Variants in MAPK8 observed in about 807,000 individuals in gnomAD.
MAPK8 encodes the protein mitogen-activated protein kinase 8.
Under a neutral mutation model 52.9 loss-of-function variants are expected in MAPK8, and 13 were observed. That is an observed-to-expected ratio of 0.25 (90% CI 0.16 to 0.39). The LOEUF is 0.39. Ranked by LOEUF, MAPK8 falls within the 10% of genes least tolerant of loss-of-function variation. MAPK8 has a pLI of 1.00. For missense variants in MAPK8, 300 were observed against 519.2 expected, an observed-to-expected ratio of 0.58 and a Z score of 4.10; for synonymous variants, 191 against 169.8, an observed-to-expected ratio of 1.12 and a Z score of -0.97.
At chr10:48,316,068 G>A (rs955470447) in intron 1 of MAPK8, among the ~76,000 whole-genome samples, 7 of 152,206 alleles carry the variant, frequency 4.6e-5, no homozygotes, top group African/African-American at 1.7e-4. Context: ...AATGTTAAAT[G>A]GACAAGTTGG....
intron 1 of MAPK8, among the ~76,000 whole-genome samples, chr10:48,400,951 GT>G (rs1242665054): frequency 7.8e-6 from 1 of 128,616 alleles, no homozygotes; most frequent in East Asian, 2.1e-4. Context: ...GTATTGTTTT[GT>G]TTTGTATCCC....
At chr10:48,355,235 C>T (rs929165614) in intron 1 of MAPK8, among the ~76,000 whole-genome samples, 1 of 152,110 alleles carries the variant, frequency 6.6e-6, no homozygotes, top group Non-Finnish European at 1.5e-5. Flanking sequence ...TAGGGCTGGG[C>T]GTGGTGGCTC....
chr10:48,426,940 A>G lies in MAPK8; in HGVS notation c.997-140A>G, dbSNP rs370192927. ...AGTCTTCCTAAACTATTATGTCTGT[A>G]TAAGTAAGTTGATGATTGATCAGTC... On this transcript the variant is annotated intron_variant, in intron 9 of 11. Coordinates refer to ENST00000374189, the MANE Select transcript of MAPK8 (RefSeq NM_001323329.2). 9.9e-5 allele frequency: 61 copies of G among 615,778 alleles called. 1 individual carries two copies. Among genetic ancestry groups the G allele is most frequent in the South Asian group, 7.9e-4 (39 of 49,560 alleles). The allele number at this position is 615,778 out of a possible 1,614,324, so 38.1% of individuals were successfully genotyped here.
chr10:48,365,664 T>C (rs1847967038), intron 1 of MAPK8, among the ~76,000 whole-genome samples: 1 of 152,214 alleles, frequency 6.6e-6, no homozygotes, highest in Non-Finnish European at 1.5e-5. Flanking sequence ...TGTAAAATTA[T>C]TCATTTGTCT....
At chr10:48,380,141 C>T (rs895722221) in intron 1 of MAPK8, among the ~76,000 whole-genome samples, 8 of 152,028 alleles carry the variant, frequency 5.3e-5, no homozygotes, top group Non-Finnish European at 1.0e-4. Flanking sequence ...ACCCGGGAGG[C>T]TGAGGCAGGA....
chr10:48,312,187 G>A (rs1842042507), intron 1 of MAPK8, among the ~76,000 whole-genome samples: 1 of 152,194 alleles, frequency 6.6e-6, no homozygotes, highest in African/African-American at 2.4e-5. Context: ...TTTAAGTTGA[G>A]AGTGTGGTGC....
intron 5 of MAPK8, among the ~76,000 whole-genome samples, chr10:48,413,815 TTA>T (rs59042608): frequency 0.055 from 2,654 of 47,902 alleles, 47 homozygotes; most frequent in Non-Finnish European, 0.072. Flanking sequence ...GCCAGAATTG[TTA>T]TATATATATA....
At chr10:48,329,941 A>AT (rs928326286) in intron 1 of MAPK8, among the ~76,000 whole-genome samples, 2 of 152,250 alleles carry the variant, frequency 1.3e-5, no homozygotes, top group Admixed American at 1.3e-4. Context: ...ATTTAAAAAA[A>AT]TTTTTTTTAA....
chr10:48,309,926 G>T (rs1447503109), intron 1 of MAPK8, among the ~76,000 whole-genome samples: 2 of 152,188 alleles, frequency 1.3e-5, no homozygotes, highest in Admixed American at 1.3e-4. Flanking sequence ...TGAATCATTT[G>T]CCTATGTCAG....
intron 1 of MAPK8, among the ~76,000 whole-genome samples, chr10:48,318,166 A>G (rs937945208): frequency 4.0e-4 from 61 of 152,266 alleles, no homozygotes; most frequent in African/African-American, 1.4e-3. Flanking sequence ...TCAGGAGTTA[A>G]TACTGCAGCC....
intron 1 of MAPK8, among the ~76,000 whole-genome samples, chr10:48,385,783 G>C (rs191390331): frequency 1.3e-5 from 2 of 152,070 alleles, no homozygotes; most frequent in African/African-American, 4.8e-5. Context: ...GTCATATTTG[G>C]TTATCATAAT....
intron 1 of MAPK8, among the ~76,000 whole-genome samples, chr10:48,372,809 C>T (rs867386782): frequency 2.0e-5 from 3 of 152,148 alleles, no homozygotes; most frequent in Admixed American, 2.0e-4. Flanking sequence ...AAACACTCTT[C>T]AGGATATTAT....
At chr10:48,393,518 A>G (rs1032883194) in intron 1 of MAPK8, among the ~76,000 whole-genome samples, 4 of 152,126 alleles carry the variant, frequency 2.6e-5, no homozygotes, top group South Asian at 2.1e-4. Context: ...AAATGTGAAT[A>G]TGGGATGTAA....
intron 1 of MAPK8, among the ~76,000 whole-genome samples, chr10:48,312,182 G>T (rs996549035): frequency 4.6e-5 from 7 of 152,210 alleles, no homozygotes; most frequent in Non-Finnish European, 1.0e-4. Flanking sequence ...CCTGGTTTAA[G>T]TTGAGAGTGT....
chr10:48,388,430 A>G (rs970311564), intron 1 of MAPK8, among the ~76,000 whole-genome samples: 1 of 152,186 alleles, frequency 6.6e-6, no homozygotes, highest in Non-Finnish European at 1.5e-5. Context: ...TTTGGTATCA[A>G]GTCCTTCATT....
chr10:48,409,004 A>C (rs959957792), intron 3 of MAPK8, among the ~76,000 whole-genome samples: 4 of 152,256 alleles, frequency 2.6e-5, no homozygotes, highest in Non-Finnish European at 5.9e-5. Context: ...CTCATGACCT[A>C]ATCTAACCCT....
intron 11 of MAPK8, among the ~76,000 whole-genome samples, chr10:48,432,869 C>T (rs536260400): frequency 6.6e-5 from 10 of 152,188 alleles, no homozygotes; most frequent in Admixed American, 2.0e-4. Context: ...CTTGCAAAGA[C>T]GAGTATTAGC....
At chr10:48,426,164 G>T in intron 8 of MAPK8, 94 bp downstream of exon 8, 1 of 1,176,308 alleles carries the variant, frequency 8.5e-7, no homozygotes. Flanking sequence ...ATTCTTATGG[G>T]ACATGAACCC....
chr10:48,419,674 G>C (rs1386853018), intron 5 of MAPK8, among the ~76,000 whole-genome samples: 1 of 152,182 alleles, frequency 6.6e-6, no homozygotes, highest in Non-Finnish European at 1.5e-5. Context: ...GTATCTGCCA[G>C]TCTAAAAGAT....
Sources: gnomAD v4.1 joint callset for allele counts (sites outside exome capture counted in the v4.1 genomes callset) on GRCh38, gnomAD v4.1.1 for gene constraint, MANE v1.5 for transcripts, NCBI Gene and HGNC (gene_info 2026-07-23, HGNC 2026-07-21) for gene names.